The following FBXW11 variants were observed in gnomAD, a reference collection of about 807,000 sequenced individuals.
FBXW11 encodes F-box and WD repeat domain containing 11, also known as F-box/WD repeat-containing protein 11.
Under a neutral mutation model 77.6 loss-of-function variants are expected in FBXW11, and 19 were observed. The observed-to-expected ratio is 0.24, with a 90% CI of 0.17 to 0.36. The LOEUF (loss-of-function observed/expected upper bound fraction) is 0.36. FBXW11 is among the 10% of genes least tolerant of loss of function. The pLI is 1.00. For synonymous variants in FBXW11, 235 were observed against 249.4 expected, an observed-to-expected ratio of 0.94 and a Z score of 0.54; for missense variants, 334 against 704.2, an observed-to-expected ratio of 0.47 and a Z score of 5.95.
intron 8 of FBXW11, among the ~76,000 whole-genome samples, chr5:171,877,610 A>C (rs1439101346): frequency 6.6e-6 from 1 of 152,022 alleles, no homozygotes; most frequent in African/African-American, 2.4e-5. Flanking sequence ...GGGGTACGGA[A>C]GCACTGAGTC....
At chr5:171,884,241 T>C (rs1042065779) in intron 7 of FBXW11, among the ~76,000 whole-genome samples, 1 of 152,246 alleles carries the variant, frequency 6.6e-6, no homozygotes, top group Non-Finnish European at 1.5e-5. Flanking sequence ...GGATCCAGTT[T>C]CATTCTCCTG....
chr5:171,898,327 C>T (rs1759886320), intron 6 of FBXW11, among the ~76,000 whole-genome samples: 1 of 152,172 alleles, frequency 6.6e-6, no homozygotes, highest in Non-Finnish European at 1.5e-5. Flanking sequence ...GTGAAGTAAC[C>T]AAGACCTGCC....
chr5:171,957,512 T>C (rs879148618), intron 2 of FBXW11, 85 bp downstream of exon 2: 9 of 1,207,382 alleles, frequency 7.5e-6, no homozygotes, highest in East Asian at 2.3e-5. Context: ...AGACTTAACA[T>C]TGGATTAAAC....
chr5:172,000,539 T>A lies in FBXW11; in HGVS notation c.45+5919A>T, dbSNP rs981109352. Among the ~76,000 whole-genome samples, 5 of 152,230 alleles carry A rather than the reference T, an allele frequency of 3.3e-5. No homozygotes were observed. The East Asian group carries it at 9.6e-4, about 29-fold the overall frequency. On this transcript the variant is annotated intron_variant, in intron 1 of 13. Coordinates refer to ENST00000517395, the MANE Select transcript of FBXW11 (RefSeq NM_001378974.1). ...ATGTATGGCTAAAAGCAACTAAATG[T>A]TAGTCTTCTGTAAAGCCTCACAAAT...
At chr5:171,937,033 G>A (rs1010949956) in intron 2 of FBXW11, among the ~76,000 whole-genome samples, 2 of 152,188 alleles carry the variant, frequency 1.3e-5, no homozygotes, top group Non-Finnish European at 2.9e-5. Context: ...ACACTGACCT[G>A]ATACATTTTT....
At chr5:171,984,847 T>C (rs1192608696) in intron 1 of FBXW11, among the ~76,000 whole-genome samples, 4 of 152,236 alleles carry the variant, frequency 2.6e-5, no homozygotes, top group Admixed American at 2.6e-4. Context: ...AGTTACATTT[T>C]TTGCAGAAGC....
At chr5:171,998,958 A>ATGACTCTTAAAGATGTTC (rs1766245537) in intron 1 of FBXW11, among the ~76,000 whole-genome samples, 1 of 152,174 alleles carries the variant, frequency 6.6e-6, no homozygotes, top group South Asian at 2.1e-4. Context: ...TCCACAGGCA[A>ATGACTCTTAAAGATGTTC]TGACTCTTAA....
intron 1 of FBXW11, among the ~76,000 whole-genome samples, chr5:171,965,725 A>G (rs900019459): frequency 2.6e-5 from 4 of 152,092 alleles, no homozygotes; most frequent in African/African-American, 9.7e-5. Flanking sequence ...TATAATTTTA[A>G]GTGATGACTT....
chr5:171,875,249 T>TAA (rs1561636108), intron 9 of FBXW11, among the ~76,000 whole-genome samples: 59 of 38,846 alleles, frequency 1.5e-3, no homozygotes, highest in African/African-American at 3.4e-3. Context: ...ATCTGTACTT[T>TAA]TAAAAAAAAA....
chr5:171,961,857 G>A (rs990855102), intron 1 of FBXW11, among the ~76,000 whole-genome samples: 1 of 152,174 alleles, frequency 6.6e-6, no homozygotes, highest in Admixed American at 6.5e-5. Flanking sequence ...ATGTTGGCCA[G>A]GCTGGTCTTG....
chr5:171,891,178 G>A (rs965146623), intron 7 of FBXW11, among the ~76,000 whole-genome samples: 1 of 152,024 alleles, frequency 6.6e-6, no homozygotes, highest in Admixed American at 6.6e-5. Flanking sequence ...ATACCAGCTG[G>A]CAAAGTAATC....
rs1449758063 is a variant in FBXW11 at position 171,891,484 on chromosome 5, G to T, written c.835C>A (p.Arg279=). 5.6e-6 allele frequency: 9 copies of T among 1,593,560 alleles called. No homozygotes were observed. The South Asian group carries it at 9.2e-5, about 16-fold the overall frequency. Residue 279 remains arginine, a synonymous_variant, in exon 7 of 14, where the codon CGA becomes AGA. Coordinates refer to ENST00000517395, the MANE Select transcript of FBXW11 (RefSeq NM_001378974.1). Reference sequence around the variant, plus strand: ...TCATTCACCTTAATAGAATTATCTCGTAGGCCACTGATAATTTTTTCATCA... The same window carrying T: ...TCATTCACCTTAATAGAATTATCTCTTAGGCCACTGATAATTTTTTCATCA... ...YDDEKIISGL[R]DNSIKIWDKT...
At chr5:171,936,056 A>C (rs982202062) in intron 2 of FBXW11, among the ~76,000 whole-genome samples, 1 of 147,078 alleles carries the variant, frequency 6.8e-6, no homozygotes, top group Non-Finnish European at 1.5e-5. Flanking sequence ...GGTTGCAGTG[A>C]GCCAAGATTG....
At chr5:171,978,617 G>A (rs1764971054) in intron 1 of FBXW11, among the ~76,000 whole-genome samples, 1 of 152,144 alleles carries the variant, frequency 6.6e-6, no homozygotes, top group African/African-American at 2.4e-5. Context: ...GCAGAGAAGG[G>A]ACCCAATTTC....
At chr5:171,891,088 G>A (rs1370586112) in intron 7 of FBXW11, among the ~76,000 whole-genome samples, 2 of 152,126 alleles carry the variant, frequency 1.3e-5, no homozygotes, top group Non-Finnish European at 2.9e-5. Context: ...AATATAAGTT[G>A]CTCTATCATT....
intron 8 of FBXW11, among the ~76,000 whole-genome samples, chr5:171,877,540 T>C (rs1758172111): frequency 6.6e-6 from 1 of 152,068 alleles, no homozygotes; most frequent in African/African-American, 2.4e-5. Context: ...CAAGTTCACA[T>C]AGGGCAGAGG....
intron 7 of FBXW11, among the ~76,000 whole-genome samples, chr5:171,890,726 T>C (rs1173697052): frequency 6.6e-6 from 1 of 151,988 alleles, no homozygotes; most frequent in Non-Finnish European, 1.5e-5. Context: ...AACACAAACA[T>C]CCTTCAACAG....
rs569758016 is a variant in FBXW11, at chr5:171,867,575, T to C, written c.*25+1035A>G. ...CCTCTAGGTAAGACAAACTTCCTGG[T>C]GGAGTTCTATTTATTGGATCTTGGA... On this transcript the variant is annotated intron_variant, in intron 13 of 13. Coordinates refer to ENST00000517395, the MANE Select transcript of FBXW11 (RefSeq NM_001378974.1). Among the ~76,000 whole-genome samples, 58 of 151,742 alleles carry C rather than the reference T, an allele frequency of 3.8e-4. 3 individuals are homozygous for C. The South Asian group carries it at 0.011, about 28-fold the overall frequency.
At chr5:171,935,213 T>C (rs1204860066) in intron 2 of FBXW11, among the ~76,000 whole-genome samples, 1 of 152,212 alleles carries the variant, frequency 6.6e-6, no homozygotes, top group Non-Finnish European at 1.5e-5. Flanking sequence ...CACCTCGGCC[T>C]CCCAAAGTGC....
Sources: gnomAD v4.1 joint callset for allele counts (sites outside exome capture counted in the v4.1 genomes callset) on GRCh38, gnomAD v4.1.1 for gene constraint, MANE v1.5 for transcripts, NCBI Gene and HGNC (gene_info 2026-07-23, HGNC 2026-07-21) for gene names.